Variants in LTBP1 observed in about 807,000 individuals in gnomAD.
The protein encoded by LTBP1 is latent-transforming growth factor beta-binding protein 1.
Under a neutral mutation model 207.6 loss-of-function variants are expected in LTBP1, and 129 were observed. The observed-to-expected ratio is 0.62, with a 90% confidence interval of 0.54 to 0.72. The LOEUF (loss-of-function observed/expected upper bound fraction) is 0.72, where lower values mean the gene tolerates loss of function less well. LTBP1 is among the 30% of genes least tolerant of loss of function. The pLI is 0.00. For synonymous variants in LTBP1, 963 were observed against 833.7 expected (o/e 1.16, Z -2.67); for missense variants, 2,281 against 2,217.2 (o/e 1.03, Z -0.58).
At chr2:33,031,799 TCAGA>T (rs1240898959) in intron 3 of LTBP1, among the ~76,000 whole-genome samples, 3 of 152,136 alleles carry the variant, frequency 2.0e-5, no homozygotes, top group African/African-American at 4.8e-5. Flanking sequence ...GCCTTGACAG[TCAGA>T]CAGAGGAGCT....
At chr2:33,182,964 A>G (rs1573028971) in intron 5 of LTBP1, among the ~76,000 whole-genome samples, 1 of 35,678 alleles carries the variant, frequency 2.8e-5, no homozygotes, top group South Asian at 4.8e-4. Flanking sequence ...TTGATAATTT[A>G]AAATGTTAGA....
intron 15 of LTBP1, among the ~76,000 whole-genome samples, chr2:33,264,323 C>T (rs1007217154): frequency 2.0e-5 from 3 of 150,866 alleles, no homozygotes; most frequent in Non-Finnish European, 3.0e-5. Flanking sequence ...TCTACAAACA[C>T]GGAAAAAGAA....
At chr2:33,139,280 C>G (rs1572816919) in intron 5 of LTBP1, among the ~76,000 whole-genome samples, 1 of 152,284 alleles carries the variant, frequency 6.6e-6, no homozygotes, top group East Asian at 1.9e-4. Context: ...GTGGTTTCAG[C>G]CAGGTTTTCT....
At chr2:33,234,546 C>A (rs1186544749) in intron 9 of LTBP1, among the ~76,000 whole-genome samples, 1 of 152,084 alleles carries the variant, frequency 6.6e-6, no homozygotes, top group Non-Finnish European at 1.5e-5. Context: ...AGGAGAACTA[C>A]AAACCACTGC....
At chr2:32,954,684 C>G (rs1677776847) in intron 2 of LTBP1, among the ~76,000 whole-genome samples, 1 of 151,176 alleles carries the variant, frequency 6.6e-6, no homozygotes, top group Non-Finnish European at 1.5e-5. Flanking sequence ...GAGTACAATT[C>G]AATTCATGAT....
At chr2:33,239,988 C>A (rs56260703) in intron 9 of LTBP1, among the ~76,000 whole-genome samples, 84,806 of 151,842 alleles carry the variant, frequency 0.56, 23,880 homozygotes, top group African/African-American at 0.58. Context: ...TATTCCTTCA[C>A]AAATAAGCTA....
intron 31 of LTBP1, 100 bp downstream of exon 31, chr2:33,365,603 C>G (rs1173378060): frequency 4.4e-6 from 5 of 1,125,304 alleles, no homozygotes; most frequent in Non-Finnish European, 6.3e-6. Context: ...TTTGCCTTCA[C>G]TCCTGATATC....
chr2:33,127,166 G>A (rs559422081), intron 4 of LTBP1, among the ~76,000 whole-genome samples: 1 of 152,326 alleles, frequency 6.6e-6, no homozygotes, highest in South Asian at 2.1e-4. Flanking sequence ...CAGCTCCAGT[G>A]ACTCAGAATG....
chr2:33,088,412 A>G (rs1270406121), intron 3 of LTBP1, among the ~76,000 whole-genome samples: 1 of 152,130 alleles, frequency 6.6e-6, no homozygotes, highest in Non-Finnish European at 1.5e-5. Context: ...AGATCATGCC[A>G]CTGCACTTCA....
chr2:33,170,068 G>A (rs537973833), intron 5 of LTBP1, among the ~76,000 whole-genome samples: 140 of 152,334 alleles, frequency 9.2e-4, no homozygotes, highest in Non-Finnish European at 1.9e-3. Context: ...AGCTCCCAGC[G>A]TGAGTGATGC....
rs78524177 is a variant in LTBP1 at position 33,158,845 on chromosome 2, G to T, written c.1201+23885G>T. On this transcript the variant is annotated intron_variant, in intron 5 of 33. Coordinates refer to ENST00000404816, the MANE Select transcript of LTBP1 (RefSeq NM_206943.4). ...ATCCTTTAAATAGATAGCAGTATAC[G>T]TACATGTTAGGTAGCTGTGATGACA... is the stretch of plus-strand genomic sequence containing the variant. Among the ~76,000 whole-genome samples, 70 of 152,246 alleles carry T rather than the reference G, an allele frequency of 4.6e-4. 1 individual carries two copies. The East Asian group carries it at 0.011, about 23-fold the overall frequency.
intron 3 of LTBP1, among the ~76,000 whole-genome samples, chr2:33,040,840 G>A (rs993878857): frequency 8.5e-5 from 13 of 152,216 alleles, no homozygotes; most frequent in East Asian, 1.9e-4. Flanking sequence ...GCTGTGTGGC[G>A]GGGAGGTCTG....
chr2:33,157,896 C>T (rs1166103908), intron 5 of LTBP1, among the ~76,000 whole-genome samples: 53 of 152,124 alleles, frequency 3.5e-4, no homozygotes, highest in Admixed American at 3.4e-3. Context: ...AATCCCAGCA[C>T]TTTGGGAAGC....
At chr2:33,269,265 C>CTTGT (rs1345395902) in intron 15 of LTBP1, among the ~76,000 whole-genome samples, 1 of 152,122 alleles carries the variant, frequency 6.6e-6, no homozygotes, top group East Asian at 1.9e-4. Context: ...TACCATTGGC[C>CTTGT]TTGTTGCTGG....
At chr2:33,260,235 C>G (rs1367147765) in intron 13 of LTBP1, among the ~76,000 whole-genome samples, 1 of 152,124 alleles carries the variant, frequency 6.6e-6, no homozygotes, top group Admixed American at 6.5e-5. Context: ...TGTTCCTTCT[C>G]TGAATCCGGC....
At chr2:33,226,685 G>A (rs1039665682) in intron 9 of LTBP1, among the ~76,000 whole-genome samples, 2 of 152,302 alleles carry the variant, frequency 1.3e-5, no homozygotes, top group East Asian at 1.9e-4. Context: ...TTGGAACCAC[G>A]TAAGATAACT....
intron 5 of LTBP1, among the ~76,000 whole-genome samples, chr2:33,160,996 T>G (rs1439787881): frequency 6.6e-6 from 1 of 152,146 alleles, no homozygotes; most frequent in Non-Finnish European, 1.5e-5. Context: ...CTCCAGAAGT[T>G]ATTGGGACAA....
At chr2:33,126,931 A>T (rs935893137) in intron 4 of LTBP1, among the ~76,000 whole-genome samples, 1 of 152,254 alleles carries the variant, frequency 6.6e-6, no homozygotes, top group South Asian at 2.1e-4. Flanking sequence ...CCAATTTTCT[A>T]TACAACTAAG....
chr2:33,071,877 C>T (rs2077809026), intron 3 of LTBP1, among the ~76,000 whole-genome samples: 1 of 152,198 alleles, frequency 6.6e-6, no homozygotes, highest in Admixed American at 6.5e-5. Context: ...TCTCACAAAG[C>T]AAATCTGACA....
Sources: allele counts gnomAD v4.1 joint callset (sites outside exome capture counted in the v4.1 genomes callset), GRCh38; gene constraint gnomAD v4.1.1; transcripts MANE v1.5; gene names NCBI Gene and HGNC (gene_info 2026-07-23, HGNC 2026-07-21).